The following TBC1D22A variants were observed in gnomAD, a reference collection of about 807,000 sequenced individuals.
TBC1D22A encodes TBC1 domain family member 22A, also known as putative GTPase activator.
Under a neutral mutation model 60.2 loss-of-function variants are expected in TBC1D22A, and 38 were observed. The observed-to-expected ratio is 0.63, with a 90% confidence interval of 0.49 to 0.83. TBC1D22A has a LOEUF of 0.83. TBC1D22A is among the 40% of genes least tolerant of loss of function. The pLI, the probability that TBC1D22A is intolerant of heterozygous loss-of-function variation, is 0.00. For missense variants in TBC1D22A, 628 were observed against 701.0 expected (o/e 0.90, Z 1.18); for synonymous variants, 302 against 281.7 (o/e 1.07, Z -0.72).
intron 12 of TBC1D22A, among the ~76,000 whole-genome samples, chr22:47,115,489 G>A (rs1164450106): frequency 6.6e-6 from 1 of 152,146 alleles, no homozygotes; most frequent in Non-Finnish European, 1.5e-5. Context: ...TCTCCCACCA[G>A]ACTTTCGTAG....
intron 8 of TBC1D22A, among the ~76,000 whole-genome samples, chr22:46,930,302 C>T (rs945053356): frequency 1.3e-5 from 2 of 152,058 alleles, no homozygotes; most frequent in African/African-American, 4.8e-5. Context: ...CACTCCAGGC[C>T]AAGTGTTATA....
At chr22:46,983,074 G>A (rs1221710220) in intron 9 of TBC1D22A, among the ~76,000 whole-genome samples, 1 of 152,232 alleles carries the variant, frequency 6.6e-6, no homozygotes, top group Non-Finnish European at 1.5e-5. Context: ...CTGCGTGACC[G>A]TGTTAGTGAC....
intron 12 of TBC1D22A, among the ~76,000 whole-genome samples, chr22:47,172,549 T>C (rs991580014): frequency 6.6e-6 from 1 of 152,220 alleles, no homozygotes; most frequent in Non-Finnish European, 1.5e-5. Context: ...ATGTAAAACC[T>C]TTTACCTCCT....
intron 8 of TBC1D22A, among the ~76,000 whole-genome samples, chr22:46,919,835 T>A (rs1364535302): frequency 6.6e-6 from 1 of 151,506 alleles, no homozygotes; most frequent in Non-Finnish European, 1.5e-5. Context: ...TAAGAAGGGA[T>A]GTTGACTGTA....
chr22:46,807,267 T>TTGTGGG (rs71192452), intron 4 of TBC1D22A, among the ~76,000 whole-genome samples: 4 of 118,676 alleles, frequency 3.4e-5, no homozygotes, highest in African/African-American at 9.7e-5. Flanking sequence ...GTGATGGTGA[T>TTGTGGG]GGTGATGATG....
chr22:46,925,720 T>A (rs1430981138), intron 8 of TBC1D22A, among the ~76,000 whole-genome samples: 1 of 152,252 alleles, frequency 6.6e-6, no homozygotes, highest in Non-Finnish European at 1.5e-5. Context: ...AAATACGTGT[T>A]TTAAAAGTAG....
At chr22:47,158,745 A>G (rs1365017929) in intron 12 of TBC1D22A, among the ~76,000 whole-genome samples, 6 of 152,110 alleles carry the variant, frequency 3.9e-5, no homozygotes, top group Non-Finnish European at 8.8e-5. Context: ...GGAGCCTCAC[A>G]TCTCAGGAAG....
At chr22:47,015,581 G>A (rs1048334570) in intron 10 of TBC1D22A, among the ~76,000 whole-genome samples, 13 of 152,202 alleles carry the variant, frequency 8.5e-5, no homozygotes, top group African/African-American at 3.1e-4. Flanking sequence ...ATTGTTTCTT[G>A]TCTTGCGACC....
chr22:46,767,497 C>G (rs73472896), intron 1 of TBC1D22A, among the ~76,000 whole-genome samples: 3,384 of 152,264 alleles, frequency 0.022, 117 homozygotes, highest in African/African-American at 0.077. Flanking sequence ...GCCCCAGGTG[C>G]TGGAGATAAT....
At chr22:47,123,768 G>A (rs2066357140) in intron 12 of TBC1D22A, among the ~76,000 whole-genome samples, 1 of 152,230 alleles carries the variant, frequency 6.6e-6, no homozygotes, top group Admixed American at 6.5e-5. Flanking sequence ...TGGGTCAATT[G>A]AAAAGTAATC....
chr22:47,092,253 C>T (rs906502188), intron 11 of TBC1D22A, among the ~76,000 whole-genome samples: 2 of 152,100 alleles, frequency 1.3e-5, no homozygotes, highest in Non-Finnish European at 2.9e-5. Flanking sequence ...ATGCACTGTG[C>T]GTGGGTGTCC....
At chr22:46,830,930 T>A (rs1009603245) in intron 4 of TBC1D22A, among the ~76,000 whole-genome samples, 4 of 151,912 alleles carry the variant, frequency 2.6e-5, no homozygotes, top group Non-Finnish European at 5.9e-5. Flanking sequence ...TTAAGAGGTA[T>A]CTCCGAGGAA....
chr22:46,841,002 A>C (rs2086733350), intron 4 of TBC1D22A, among the ~76,000 whole-genome samples: 1 of 151,914 alleles, frequency 6.6e-6, no homozygotes, highest in African/African-American at 2.4e-5. Context: ...CAAGACATGG[A>C]AACAACCCAA....
In TBC1D22A at chr22:46,777,377, C is replaced by T. The variant is rs982344184; in HGVS notation, c.62+14529C>T. Among the ~76,000 whole-genome samples the T allele has an allele frequency of 6.6e-5, 10 of 151,922 alleles. No individual in the cohort carries two copies. The highest frequency in any genetic ancestry group is 2.0e-4 in the Admixed American group (3 of 15,238). ...AGTGATGTTGTCCAAGGGTGGGGAC[C>T]GAAGAGTGGGTGTGAGGAGTGGCCG... On this transcript the variant is annotated intron_variant, in intron 1 of 12. Transcript: ENST00000337137. This position sits in a 1 kb window ranked among gnomAD's most constrained non-coding sequence, Gnocchi z 4.5.
In TBC1D22A at chr22:47,065,141, G is replaced by A. The variant is rs182016200; in HGVS notation, c.1329+27943G>A. 2.6e-5 allele frequency among the ~76,000 whole-genome samples: 4 copies of A among 152,208 alleles called. No individual in the cohort carries two copies. The East Asian group carries it at 7.8e-4, about 30-fold the overall frequency. On this transcript the variant is annotated intron_variant, in intron 11 of 12. Coordinates refer to ENST00000337137, the MANE Select transcript of TBC1D22A (RefSeq NM_014346.5). ...CTCCCAAGTAGCTGGGATTACAGGT[G>A]CGTGCCAACACGCCCGGCTAATTTT...
At chr22:46,803,508 C>T (rs1469377432) in intron 4 of TBC1D22A, among the ~76,000 whole-genome samples, 7 of 152,310 alleles carry the variant, frequency 4.6e-5, no homozygotes, top group East Asian at 1.9e-4. Flanking sequence ...TCTTGCGACC[C>T]GGCCGTCAGC....
intron 12 of TBC1D22A, among the ~76,000 whole-genome samples, chr22:47,146,916 A>T (rs1453320817): frequency 6.6e-6 from 1 of 152,220 alleles, no homozygotes; most frequent in African/African-American, 2.4e-5. Context: ...GATGACACAC[A>T]TTCATTCATT....
intron 8 of TBC1D22A, among the ~76,000 whole-genome samples, chr22:46,965,000 C>G (rs919036565): frequency 2.0e-5 from 3 of 152,190 alleles, no homozygotes; most frequent in Admixed American, 6.5e-5. Context: ...AACTTTGGGG[C>G]CGAGCGTCAG....
chr22:47,003,156 A>G (rs1036909824), intron 10 of TBC1D22A, among the ~76,000 whole-genome samples: 2 of 152,230 alleles, frequency 1.3e-5, no homozygotes, highest in African/African-American at 4.8e-5. Context: ...AACAGTGAAC[A>G]ATTTTTTAAT....
Sources: allele counts gnomAD v4.1 joint callset (sites outside exome capture counted in the v4.1 genomes callset), GRCh38; gene constraint gnomAD v4.1.1; non-coding constraint Gnocchi (gnomAD v3.1); transcripts MANE v1.5; gene names NCBI Gene and HGNC (gene_info 2026-07-23, HGNC 2026-07-21).